Variants in ME3 observed in about 807,000 individuals in gnomAD.
ME3 encodes the protein malic enzyme 3.
Under a neutral mutation model 68.9 loss-of-function variants are expected in ME3, and 48 were observed. That is an observed-to-expected ratio of 0.70 (90% confidence interval 0.55 to 0.89). The LOEUF is 0.89. ME3 is among the 40% of genes least tolerant of loss of function. ME3 has a pLI of 0.00. For synonymous variants in ME3, 320 were observed against 318.8 expected (o/e 1.00, Z -0.04); for missense variants, 675 against 797.4 (o/e 0.85, Z 1.85).
intron 7 of ME3, among the ~76,000 whole-genome samples, chr11:86,471,758 G>A (rs1950794613): frequency 6.6e-6 from 1 of 152,228 alleles, no homozygotes; most frequent in Admixed American, 6.5e-5. Context: ...GAGCCCAGAA[G>A]TTCAAGGCCA....
chr11:86,530,733 A>T (rs1235615359), intron 4 of ME3, among the ~76,000 whole-genome samples: 1 of 152,208 alleles, frequency 6.6e-6, no homozygotes, highest in Non-Finnish European at 1.5e-5. Context: ...AACCTGACAA[A>T]AACAAGAAAT....
intron 3 of ME3, among the ~76,000 whole-genome samples, chr11:86,557,319 C>T (rs1022696221): frequency 6.6e-6 from 1 of 152,046 alleles, no homozygotes; most frequent in African/African-American, 2.4e-5. Context: ...GGGAAAGAGG[C>T]TTCCATTCAG....
At chr11:86,585,293 T>C (rs1050379724) in intron 2 of ME3, among the ~76,000 whole-genome samples, 8 of 152,220 alleles carry the variant, frequency 5.3e-5, no homozygotes, top group Non-Finnish European at 1.0e-4. Flanking sequence ...GGTCCAAGAA[T>C]GTGCTGATAA....
chr11:86,567,817 A>G (rs147057854), intron 2 of ME3, among the ~76,000 whole-genome samples: 244 of 152,368 alleles, frequency 1.6e-3, no homozygotes, highest in Middle Eastern at 0.014. Flanking sequence ...CCAACATAGG[A>G]CAGGCACAAG....
chr11:86,647,079 A>G (rs1302717683), intron 2 of ME3, among the ~76,000 whole-genome samples: 1 of 152,242 alleles, frequency 6.6e-6, no homozygotes. Context: ...AAAAACTGGT[A>G]CCAGCCACTG....
chr11:86,654,477 C>T (rs1427851221), intron 2 of ME3, among the ~76,000 whole-genome samples: 1 of 152,188 alleles, frequency 6.6e-6, no homozygotes, highest in Non-Finnish European at 1.5e-5. Flanking sequence ...AGCATATAAA[C>T]AGAACCAGTG....
At chr11:86,440,509 G>A (rs1948936686), downstream of ME3, among the ~76,000 whole-genome samples, 1 of 152,164 alleles carries the variant, frequency 6.6e-6, no homozygotes, top group Non-Finnish European at 1.5e-5. Context: ...CTATGGTGCT[G>A]TTCCTCTCAC....
At chr11:86,497,862 G>T in intron 6 of ME3, 101 bp downstream of exon 6, 1 of 1,285,410 alleles carries the variant, frequency 7.8e-7, no homozygotes, top group Non-Finnish European at 1.1e-6. Context: ...GAAAGAAATG[G>T]CCCATTGCTG....
chr11:86,559,334 C>T (rs542196135), intron 3 of ME3, among the ~76,000 whole-genome samples: 2 of 152,060 alleles, frequency 1.3e-5, no homozygotes, highest in South Asian at 4.2e-4. Flanking sequence ...TGCTCCAGTT[C>T]GTCCCTCTCA....
chr11:86,588,984 C>G (rs749188031), intron 2 of ME3, among the ~76,000 whole-genome samples: 1 of 152,172 alleles, frequency 6.6e-6, no homozygotes, highest in Non-Finnish European at 1.5e-5. Flanking sequence ...AGGGCCTGCT[C>G]CATGCACTCT....
At chr11:86,469,275 A>G (rs1950653832) in intron 7 of ME3, among the ~76,000 whole-genome samples, 1 of 152,180 alleles carries the variant, frequency 6.6e-6, no homozygotes, top group African/African-American at 2.4e-5. Context: ...ATTGAATACT[A>G]GAAGCTTCAC....
At chr11:86,529,152 CAATAAAAAAT>C (rs1298647341) in intron 4 of ME3, among the ~76,000 whole-genome samples, 1 of 151,956 alleles carries the variant, frequency 6.6e-6, no homozygotes, top group East Asian at 1.9e-4. Context: ...CAAATAGACG[CAATAAAAAAT>C]GATAAAGGGG....
chr11:86,443,791 A>G lies in ME3; in HGVS notation c.1555-872T>C, dbSNP rs1949137035. Reference sequence around the variant, plus strand: ...TCTCACACTTCCATCTTTCTTTTCCATTCATTCAGTCATACATTCACTGTG... The same window carrying G: ...TCTCACACTTCCATCTTTCTTTTCCGTTCATTCAGTCATACATTCACTGTG... On this transcript the variant is annotated intron_variant, in intron 13 of 14. Coordinates refer to ENST00000543262, the Ensembl canonical transcript of ME3. Among the ~76,000 whole-genome samples, 4 of 152,254 alleles carry G rather than the reference A, an allele frequency of 2.6e-5. No individual in the cohort carries two copies. In the South Asian group the frequency reaches 8.3e-4, roughly 32 times the overall value.
intron 2 of ME3, among the ~76,000 whole-genome samples, chr11:86,635,997 A>G (rs1033781446): frequency 6.6e-6 from 1 of 152,178 alleles, no homozygotes; most frequent in African/African-American, 2.4e-5. Context: ...TAGTCCCCGT[A>G]TCCTGGGAAG....
At chr11:86,574,201 A>C (rs1957956556) in intron 2 of ME3, among the ~76,000 whole-genome samples, 1 of 152,038 alleles carries the variant, frequency 6.6e-6, no homozygotes, top group African/African-American at 2.4e-5. Flanking sequence ...TCTGAAGCCT[A>C]CTTCTGTCAA....
At chr11:86,465,226 C>G in intron 7 of ME3, 26 bp from the exon 8 acceptor site, 1 of 1,534,120 alleles carries the variant, frequency 6.5e-7, no homozygotes, top group Non-Finnish European at 9.0e-7. Flanking sequence ...GGAAGAAACC[C>G]ATGATTGCCT....
chr11:86,488,393 C>A (rs1340505354), intron 6 of ME3, among the ~76,000 whole-genome samples: 1 of 152,094 alleles, frequency 6.6e-6, no homozygotes, highest in African/African-American at 2.4e-5. Context: ...CCCTTCCTCT[C>A]TTACTTCTCT....
downstream of ME3, chr11:86,436,212 C>G (rs557126233): frequency 1.1e-4 from 16 of 152,074 alleles, no homozygotes; most frequent in African/African-American, 3.6e-4. Flanking sequence ...TTATTATAGC[C>G]ATTCTGGTGA....
chr11:86,502,206 C>A (rs2446230), intron 5 of ME3, among the ~76,000 whole-genome samples: 41,847 of 152,144 alleles, frequency 0.28, 6,092 homozygotes, highest in East Asian at 0.32. Flanking sequence ...ATCTTACCAC[C>A]CTTGCATGTT....
Sources: gnomAD v4.1 joint callset for allele counts (sites outside exome capture counted in the v4.1 genomes callset) on GRCh38, gnomAD v4.1.1 for gene constraint, MANE v1.5 for transcripts, NCBI Gene and HGNC (gene_info 2026-07-23, HGNC 2026-07-21) for gene names.